The following NR2F1-AS1 variants were observed in gnomAD, a reference collection of about 807,000 sequenced individuals.
NR2F1-AS1 encodes the protein NR2F1 regulatory antisense RNA 1.
upstream of NR2F1-AS1, chr5:93,585,230 C>G: frequency 6.4e-7 from 1 of 1,552,532 alleles, no homozygotes; most frequent in Non-Finnish European, 8.7e-7. Context: ...CGGCGGGGGA[C>G]AAGGGCCAGG....
intron 4 of NR2F1-AS1, among the ~76,000 whole-genome samples, chr5:93,552,245 G>A (rs1752247436): frequency 6.6e-6 from 1 of 152,128 alleles, no homozygotes; most frequent in African/African-American, 2.4e-5. Context: ...CAGTGACAGA[G>A]GTCAGTAGAG....
intron 4 of NR2F1-AS1, among the ~76,000 whole-genome samples, chr5:93,499,076 A>G (rs750740263): frequency 7.9e-5 from 12 of 152,220 alleles, no homozygotes; most frequent in Non-Finnish European, 1.6e-4. Flanking sequence ...ATAATACTGT[A>G]AAATAACTAT....
chr5:93,455,034 A>T (rs1287165555), intron 4 of NR2F1-AS1, among the ~76,000 whole-genome samples: 1 of 152,160 alleles, frequency 6.6e-6, no homozygotes, highest in African/African-American at 2.4e-5. Context: ...GAACCCAAGG[A>T]TGGGGTCATG....
At chr5:93,463,914 G>A (rs182516589) in intron 4 of NR2F1-AS1, among the ~76,000 whole-genome samples, 358 of 152,296 alleles carry the variant, frequency 2.4e-3, no homozygotes, top group Non-Finnish European at 3.9e-3. Flanking sequence ...AGGCAGAAGG[G>A]ACTTGCCTTG....
At chr5:93,441,499 G>A (rs1485903099) in intron 4 of NR2F1-AS1, among the ~76,000 whole-genome samples, 1 of 152,170 alleles carries the variant, frequency 6.6e-6, no homozygotes, top group African/African-American at 2.4e-5. Flanking sequence ...GTGGCCTGGA[G>A]GTCATTAGTC....
chr5:93,521,756 C>T (rs759322185), intron 4 of NR2F1-AS1, among the ~76,000 whole-genome samples: 15 of 152,178 alleles, frequency 9.9e-5, no homozygotes, highest in Non-Finnish European at 1.8e-4. Context: ...CACTTATGCA[C>T]TATTGGTGGA....
chr5:93,481,884 A>G (rs575879159), intron 4 of NR2F1-AS1, among the ~76,000 whole-genome samples: 1 of 152,252 alleles, frequency 6.6e-6, no homozygotes, highest in East Asian at 1.9e-4. Flanking sequence ...ACAACATACC[A>G]AAATGTATAG....
At chr5:93,547,866 A>G (rs1752125361) in intron 4 of NR2F1-AS1, among the ~76,000 whole-genome samples, 1 of 152,218 alleles carries the variant, frequency 6.6e-6, no homozygotes, top group South Asian at 2.1e-4. Context: ...ATTGGTGTCA[A>G]TGATATTGAC....
At chr5:93,508,648 T>A (rs918980295) in intron 4 of NR2F1-AS1, among the ~76,000 whole-genome samples, 2 of 151,064 alleles carry the variant, frequency 1.3e-5, no homozygotes, top group Non-Finnish European at 3.0e-5. Context: ...AATAGATACA[T>A]CACAAAGTAA....
chr5:93,464,730 G>C (rs1449691917), intron 4 of NR2F1-AS1, among the ~76,000 whole-genome samples: 6 of 152,132 alleles, frequency 3.9e-5, no homozygotes, highest in Non-Finnish European at 1.5e-5. Context: ...TATTCATGCA[G>C]CCTAACATTT....
chr5:93,492,127 C>T (rs1230577553), intron 4 of NR2F1-AS1, among the ~76,000 whole-genome samples: 2 of 152,052 alleles, frequency 1.3e-5, no homozygotes, highest in Non-Finnish European at 2.9e-5. Flanking sequence ...TTAGTATTGA[C>T]CTTTACAGAA....
chr5:93,497,040 A>G (rs1269024272), intron 4 of NR2F1-AS1, among the ~76,000 whole-genome samples: 2 of 152,178 alleles, frequency 1.3e-5, no homozygotes, highest in Non-Finnish European at 2.9e-5. Context: ...AAATGAGTGG[A>G]CTTCTAAAAT....
intron 4 of NR2F1-AS1, among the ~76,000 whole-genome samples, chr5:93,446,203 C>A (rs1465419002): frequency 6.6e-6 from 1 of 152,022 alleles, no homozygotes; most frequent in Non-Finnish European, 1.5e-5. Context: ...CTGGCCATGG[C>A]AATCAGGGAG....
chr5:93,478,503 G>A (rs867519720), intron 4 of NR2F1-AS1, among the ~76,000 whole-genome samples: 3 of 152,000 alleles, frequency 2.0e-5, no homozygotes, highest in Non-Finnish European at 2.9e-5. Flanking sequence ...TCCCAGATTC[G>A]AGCAATTATC....
intron 4 of NR2F1-AS1, among the ~76,000 whole-genome samples, chr5:93,413,065 T>G (rs1027164972): frequency 3.2e-4 from 9 of 28,538 alleles, no homozygotes; most frequent in Admixed American, 5.6e-4. Flanking sequence ...AGCACTATGG[T>G]GTGTGTGTGT....
intron 4 of NR2F1-AS1, among the ~76,000 whole-genome samples, chr5:93,537,057 C>T (rs763266642): frequency 9.9e-5 from 15 of 152,264 alleles, no homozygotes; most frequent in Non-Finnish European, 1.3e-4. Flanking sequence ...AACTGTAAGT[C>T]CAATAAACCT....
At chr5:93,504,142 G>A (rs1340808462) in intron 4 of NR2F1-AS1, among the ~76,000 whole-genome samples, 3 of 151,684 alleles carry the variant, frequency 2.0e-5, no homozygotes, top group East Asian at 3.9e-4. Context: ...ATACTGATTG[G>A]AACAAAAAAT....
At chr5:93,433,179 G>A (rs565740823) in intron 4 of NR2F1-AS1, among the ~76,000 whole-genome samples, 2 of 152,256 alleles carry the variant, frequency 1.3e-5, no homozygotes, top group Admixed American at 1.3e-4. Context: ...ATCTCTTAGT[G>A]AGATATAAAG....
chr5:93,531,564 A>G (rs1259011578), intron 4 of NR2F1-AS1, among the ~76,000 whole-genome samples: 1 of 152,218 alleles, frequency 6.6e-6, no homozygotes, highest in Non-Finnish European at 1.5e-5. Context: ...ACCATCTCAA[A>G]GAAGTATATT....
Sources: gnomAD v4.1 joint callset for allele counts (sites outside exome capture counted in the v4.1 genomes callset) on GRCh38, gnomAD v4.1.1 for gene constraint, MANE v1.5 for transcripts, NCBI Gene and HGNC (gene_info 2026-07-23, HGNC 2026-07-21) for gene names.